Variants in NTM observed in about 807,000 individuals in gnomAD.
NTM encodes the protein IgLON family member 2.
In NTM, 13 loss-of-function variants were observed where a neutral mutation model predicts 42.1. The observed-to-expected ratio is 0.31, with a 90% CI of 0.20 to 0.49. The LOEUF (loss-of-function observed/expected upper bound fraction) is 0.49. NTM is among the 20% of genes least tolerant of loss of function. The pLI is 0.99. For missense variants in NTM, 373 were observed against 452.8 expected (o/e 0.82, Z 1.60); for synonymous variants, 187 against 179.2 (o/e 1.04, Z -0.35).
chr11:131,928,452 C>G (rs1204520405), intron 2 of NTM, among the ~76,000 whole-genome samples: 1 of 152,226 alleles, frequency 6.6e-6, no homozygotes, highest in Non-Finnish European at 1.5e-5. Context: ...AATCTCCAGA[C>G]ACAAACCTTT....
chr11:131,974,422 C>T (rs1193176055), intron 2 of NTM, among the ~76,000 whole-genome samples: 2 of 152,130 alleles, frequency 1.3e-5, no homozygotes, highest in African/African-American at 4.8e-5. Flanking sequence ...AATATTTGTC[C>T]TATAGACAAT....
At chr11:131,907,426 C>T (rs1474799535) in intron 1 of NTM, among the ~76,000 whole-genome samples, 6 of 152,222 alleles carry the variant, frequency 3.9e-5, no homozygotes, top group Non-Finnish European at 5.9e-5. Flanking sequence ...TCTCTCCTCC[C>T]TCCTTTGCAG....
intron 2 of NTM, among the ~76,000 whole-genome samples, chr11:131,932,842 C>A (rs997532646): frequency 2.6e-5 from 4 of 152,158 alleles, no homozygotes; most frequent in African/African-American, 9.7e-5. Context: ...AGGCCAAGGG[C>A]CTTTGGAACC....
At chr11:132,169,627 C>T (rs1013692645) in intron 3 of NTM, among the ~76,000 whole-genome samples, 6 of 151,842 alleles carry the variant, frequency 4.0e-5, no homozygotes, top group African/African-American at 1.5e-4. Context: ...AACCACTGTG[C>T]CGGGCCAATT....
intron 1 of NTM, among the ~76,000 whole-genome samples, chr11:131,815,124 A>G (rs1330226112): frequency 2.0e-5 from 3 of 151,742 alleles, no homozygotes; most frequent in African/African-American, 7.3e-5. Flanking sequence ...TCAAGCTCGA[A>G]CTCCTCCGCT....
chr11:131,480,806 A>G (rs1029983270), intron 1 of NTM, among the ~76,000 whole-genome samples: 1 of 152,028 alleles, frequency 6.6e-6, no homozygotes, highest in Non-Finnish European at 1.5e-5. Context: ...GGGGTGGGGG[A>G]AACTCATTTC....
intron 7 of NTM, 161 bp downstream of exon 7, chr11:132,314,864 A>G (rs1591954394): frequency 1.5e-6 from 2 of 1,375,842 alleles, no homozygotes. Flanking sequence ...AAATGGAGAG[A>G]GAGGGACAGA....
chr11:131,998,636 G>C (rs533602223), intron 2 of NTM, among the ~76,000 whole-genome samples: 3 of 151,968 alleles, frequency 2.0e-5, no homozygotes, highest in Non-Finnish European at 4.4e-5. Context: ...CTCATACTCC[G>C]TCGGTCACCC....
chr11:132,129,980 C>G (rs540385545), intron 2 of NTM, among the ~76,000 whole-genome samples: 2 of 152,336 alleles, frequency 1.3e-5, no homozygotes, highest in South Asian at 4.1e-4. Context: ...ACTTTACAGC[C>G]TTCCTCTTTC....
At chr11:131,703,682 G>GAAATAAGA (rs1311562398) in intron 1 of NTM, among the ~76,000 whole-genome samples, 1 of 152,218 alleles carries the variant, frequency 6.6e-6, no homozygotes, top group Non-Finnish European at 1.5e-5. Flanking sequence ...GTGGAGCACA[G>GAAATAAGA]AAATAAGAAA....
intron 1 of NTM, among the ~76,000 whole-genome samples, chr11:131,642,711 C>A (rs1433978300): frequency 6.6e-6 from 1 of 152,158 alleles, no homozygotes; most frequent in Non-Finnish European, 1.5e-5. Context: ...CATAGTGACA[C>A]CTCATCTTGA....
At chr11:132,185,673 A>G (rs989344837) in intron 3 of NTM, among the ~76,000 whole-genome samples, 5 of 152,164 alleles carry the variant, frequency 3.3e-5, no homozygotes, top group South Asian at 2.1e-4. Flanking sequence ...GTGTCTGGTC[A>G]TTTCATAATA....
intron 1 of NTM, among the ~76,000 whole-genome samples, chr11:131,691,494 C>T (rs996442323): frequency 1.3e-5 from 2 of 152,190 alleles, no homozygotes; most frequent in African/African-American, 4.8e-5. Context: ...CCACCTTGCT[C>T]CCTCCTGGCC....
intron 2 of NTM, among the ~76,000 whole-genome samples, chr11:132,036,831 C>G (rs553346326): frequency 5.3e-5 from 8 of 152,236 alleles, no homozygotes; most frequent in Middle Eastern, 3.4e-3. Flanking sequence ...AGATGTCTAA[C>G]ATAGGTGGAT....
chr11:132,264,385 A>G (rs1006303504), intron 4 of NTM, among the ~76,000 whole-genome samples: 2 of 152,202 alleles, frequency 1.3e-5, no homozygotes, highest in African/African-American at 4.8e-5. Flanking sequence ...AAAGCAGTGT[A>G]TACATTATGG....
At chr11:131,878,617 ATATATATATATATATATATATAT>A (rs2048959395) in intron 1 of NTM, among the ~76,000 whole-genome samples, 1 of 34,084 alleles carries the variant, frequency 2.9e-5, no homozygotes, top group African/African-American at 9.3e-5. Context: ...ATATATATAT[ATATATATATATATATATATATAT>A]AATGTCTTAT....
intron 2 of NTM, among the ~76,000 whole-genome samples, chr11:131,940,021 G>A (rs1408764614): frequency 1.3e-5 from 2 of 152,208 alleles, no homozygotes; most frequent in Non-Finnish European, 2.9e-5. Context: ...CTGCTCTAGA[G>A]GTTCAAGCTG....
chr11:131,747,536 A>G (rs973993673), intron 1 of NTM, among the ~76,000 whole-genome samples: 1 of 152,004 alleles, frequency 6.6e-6, no homozygotes, highest in African/African-American at 2.4e-5. Context: ...CTCCTTCCAT[A>G]CCCCTGAAAT....
chr11:131,377,105 TGGCA>T (rs1310391820), intron 1 of NTM, among the ~76,000 whole-genome samples: 2 of 152,164 alleles, frequency 1.3e-5, no homozygotes, highest in East Asian at 3.9e-4. Context: ...TGATGATGGA[TGGCA>T]GGGAAGTAAC....
Sources: gnomAD v4.1 joint callset for allele counts (sites outside exome capture counted in the v4.1 genomes callset) on GRCh38, gnomAD v4.1.1 for gene constraint, MANE v1.5 for transcripts, NCBI Gene and HGNC (gene_info 2026-07-23, HGNC 2026-07-21) for gene names.